TMEM74: variants seen among roughly 807,000 people sequenced by gnomAD.
TMEM74 encodes transmembrane protein 74.
Under a neutral mutation model 18.1 loss-of-function variants are expected in TMEM74, and 13 were observed. The observed-to-expected ratio is 0.72, with a 90% CI of 0.47 to 1.14. TMEM74 has a LOEUF of 1.14. TMEM74 is among the 50% of genes most tolerant of loss of function. The pLI is 0.00. For missense variants in TMEM74, 372 were observed against 375.9 expected (o/e 0.99, Z 0.09); for synonymous variants, 159 against 146.6 (o/e 1.08, Z -0.61).
At chr8:108,652,575 A>C in intron 2 of TMEM74, 1 of 600,864 alleles carries the variant, frequency 1.7e-6, no homozygotes, top group Non-Finnish European at 3.1e-6. Context: ...ATCATAAGAA[A>C]AATATCCAGA....
intron 2 of TMEM74, among the ~76,000 whole-genome samples, chr8:108,646,501 A>G (rs1301493549): frequency 1.3e-5 from 2 of 152,154 alleles, no homozygotes; most frequent in Non-Finnish European, 2.9e-5. Flanking sequence ...GCCAATTTGC[A>G]TGGGTGAGTT....
chr8:108,731,437 A>G (rs1813694378), intron 1 of TMEM74, among the ~76,000 whole-genome samples: 1 of 152,156 alleles, frequency 6.6e-6, no homozygotes, highest in South Asian at 2.1e-4. Flanking sequence ...GGAGCATAAA[A>G]TCTCTATGCT....
chr8:108,614,965 T>C (rs192523365), intron 2 of TMEM74, among the ~76,000 whole-genome samples: 105 of 152,306 alleles, frequency 6.9e-4, no homozygotes, highest in African/African-American at 2.3e-3. Context: ...ACCTGCACCA[T>C]ACTAATAAAA....
At chr8:108,624,184 T>G (rs1812471023) in intron 2 of TMEM74, among the ~76,000 whole-genome samples, 1 of 152,112 alleles carries the variant, frequency 6.6e-6, no homozygotes, top group Non-Finnish European at 1.5e-5. Flanking sequence ...CTTGCCTTTA[T>G]TTTAAATATT....
chr8:108,748,563 T>C (rs1472250643), intron 1 of TMEM74, among the ~76,000 whole-genome samples: 1 of 152,110 alleles, frequency 6.6e-6, no homozygotes, highest in Admixed American at 6.5e-5. Context: ...AGAAGCTCTT[T>C]ATTTTAATTA....
rs1319576455 is a variant in TMEM74, at chr8:108,784,028, A to C, written c.*153T>G. On this transcript the variant is annotated 3_prime_UTR_variant, in exon 2 of 2. Transcript: ENST00000297459. ...TTACATGGCTTTTCTTCTAAATAGA[A>C]GACACATAGAGAACAAAAACACTTA... 8.2e-6 allele frequency: 5 copies of C among 612,968 alleles called. No homozygotes were observed. In the African/African-American group the frequency reaches 9.3e-5, roughly 11 times the overall value. The allele number at this position is 612,968 out of a possible 1,614,324, so 38.0% of individuals were successfully genotyped here.
At chr8:108,630,461 G>T (rs984011152) in intron 2 of TMEM74, among the ~76,000 whole-genome samples, 2 of 152,026 alleles carry the variant, frequency 1.3e-5, no homozygotes, top group Non-Finnish European at 2.9e-5. Flanking sequence ...CTTGAACTCA[G>T]CTATGGACCA....
At chr8:108,764,778 C>T (rs1436757849) in intron 1 of TMEM74, among the ~76,000 whole-genome samples, 2 of 152,138 alleles carry the variant, frequency 1.3e-5, no homozygotes, top group Non-Finnish European at 2.9e-5. Flanking sequence ...GTCTTATCTC[C>T]ACTTACAATT....
intron 1 of TMEM74, among the ~76,000 whole-genome samples, chr8:108,715,140 T>C (rs994626607): frequency 1.3e-5 from 2 of 152,178 alleles, no homozygotes; most frequent in African/African-American, 2.4e-5. Context: ...TTTTTAAATA[T>C]CAATTTTTAT....
chr8:108,621,777 G>A (rs181917141), intron 2 of TMEM74, among the ~76,000 whole-genome samples: 160 of 152,120 alleles, frequency 1.1e-3, no homozygotes, highest in African/African-American at 3.8e-3. Context: ...TAATTTCTTA[G>A]TGCTTGTCAC....
chr8:108,662,066 G>A (rs1812905254), intron 1 of TMEM74, among the ~76,000 whole-genome samples: 1 of 152,084 alleles, frequency 6.6e-6, no homozygotes, highest in Non-Finnish European at 1.5e-5. Context: ...GAAAATGAAA[G>A]CAGCTGAAGA....
intron 2 of TMEM74, among the ~76,000 whole-genome samples, chr8:108,613,342 G>C (rs1293825479): frequency 1.3e-5 from 2 of 152,158 alleles, no homozygotes; most frequent in Non-Finnish European, 2.9e-5. Context: ...CAAACCTCTG[G>C]GTCCCACCAA....
At chr8:108,615,927 C>A (rs1032755545) in intron 2 of TMEM74, among the ~76,000 whole-genome samples, 1 of 146,798 alleles carries the variant, frequency 6.8e-6, no homozygotes, top group Admixed American at 7.0e-5. Flanking sequence ...GCTGGGACTA[C>A]AGGCACGTGC....
chr8:108,634,018 G>T (rs1812581199), intron 2 of TMEM74, among the ~76,000 whole-genome samples: 1 of 152,000 alleles, frequency 6.6e-6, no homozygotes, highest in Non-Finnish European at 1.5e-5. Context: ...AAGCCAAAGA[G>T]AGAAAAGCAA....
At chr8:108,702,084 C>T (rs556192449) in intron 1 of TMEM74, among the ~76,000 whole-genome samples, 2 of 152,094 alleles carry the variant, frequency 1.3e-5, no homozygotes, top group Non-Finnish European at 2.9e-5. Flanking sequence ...GTGGCTCATG[C>T]TGGCAATCCC....
At chr8:108,716,530 A>G (rs547385643) in intron 1 of TMEM74, among the ~76,000 whole-genome samples, 1 of 152,194 alleles carries the variant, frequency 6.6e-6, no homozygotes, top group South Asian at 2.1e-4. Context: ...CTGTACATCA[A>G]AGTTATTCAA....
chr8:108,609,653 A>G (rs909932608), intron 2 of TMEM74, among the ~76,000 whole-genome samples: 1 of 152,180 alleles, frequency 6.6e-6, no homozygotes, highest in Admixed American at 6.5e-5. Context: ...AAAATTCAGA[A>G]GCTTGGACAT....
intron 1 of TMEM74, among the ~76,000 whole-genome samples, chr8:108,724,915 G>C (rs1467198747): frequency 6.6e-6 from 1 of 152,136 alleles, no homozygotes; most frequent in African/African-American, 2.4e-5. Flanking sequence ...CTCTCTGATG[G>C]CTTCCCAATC....
chr8:108,760,030 A>G (rs1470884362), intron 1 of TMEM74, among the ~76,000 whole-genome samples: 3 of 152,056 alleles, frequency 2.0e-5, no homozygotes, highest in Non-Finnish European at 4.4e-5. Context: ...AAAATTAGCC[A>G]GGTGTGGTGG....
Sources: gnomAD v4.1 joint callset for allele counts (sites outside exome capture counted in the v4.1 genomes callset) on GRCh38, gnomAD v4.1.1 for gene constraint, MANE v1.5 for transcripts, NCBI Gene and HGNC (gene_info 2026-07-23, HGNC 2026-07-21) for gene names.